Variants in FAT2 observed in about 807,000 individuals in gnomAD.
FAT2 encodes protocadherin Fat 2.
In FAT2, 150 loss-of-function variants were observed where a neutral mutation model predicts 295.3. That is an observed-to-expected ratio of 0.51 (90% confidence interval 0.44 to 0.58). The LOEUF (loss-of-function observed/expected upper bound fraction) is 0.58. FAT2 is among the 20% of genes least tolerant of loss of function. The probability of loss-of-function intolerance (pLI) is 0.00; values close to 1 mark genes in which losing one functional copy is unlikely to be tolerated. For synonymous variants in FAT2, 2,026 were observed against 2,150.3 expected (o/e 0.94, Z 1.60); for missense variants, 4,868 against 5,442.7 (o/e 0.89, Z 3.32).
intron 10 of FAT2, 106 bp downstream of exon 10, chr5:151,542,179 C>A: frequency 9.0e-7 from 1 of 1,105,936 alleles, no homozygotes; most frequent in South Asian, 1.5e-5. Flanking sequence ...CAAGGTCACA[C>A]TGCTAATAAG....
intron 18 of FAT2, 105 bp from the exon 19 acceptor site, chr5:151,522,191 C>A: frequency 2.3e-6 from 2 of 868,296 alleles, no homozygotes; most frequent in South Asian, 2.0e-5. Flanking sequence ...GCCCCACGCC[C>A]AACTTGAGGG....
chr5:151,578,748 A>C (rs979411765), intron 1 of FAT2, among the ~76,000 whole-genome samples: 1 of 152,258 alleles, frequency 6.6e-6, no homozygotes, highest in Non-Finnish European at 1.5e-5. Context: ...GAATAAAGAA[A>C]ATATGGCCTA....
Position 151,529,178 on chromosome 5 carries a change from C to T in FAT2, c.10026G>A (p.Thr3342=), listed in dbSNP as rs2127588568. 4 of 1,613,800 alleles carry T rather than the reference C, an allele frequency of 2.5e-6. No homozygotes were observed. Among genetic ancestry groups the T allele is most frequent in the Non-Finnish European group, 3.4e-6 (4 of 1,179,806 alleles). ...ENALVGDVIL[T]VSATDEDGPL... The stretch of plus-strand genomic sequence containing the variant: ...AAAGAGCAAGGTGGCAGATCCTTAC[C>T]GTGAGGATGACGTCACCCACAAGGG... Residue 3342 remains threonine, a splice_region_variant and synonymous_variant, in exon 15 of 24, where the codon ACG becomes ACA. Transcript: ENST00000261800.
At chr5:151,564,859 G>A (rs1758176783) in intron 2 of FAT2, among the ~76,000 whole-genome samples, 1 of 152,138 alleles carries the variant, frequency 6.6e-6, no homozygotes, top group African/African-American at 2.4e-5. Context: ...GATCACCTGA[G>A]GTCAGGAGGT....
At chr5:151,587,161 CA>C (rs1011901016) in intron 1 of FAT2, among the ~76,000 whole-genome samples, 2 of 138,000 alleles carry the variant, frequency 1.4e-5, no homozygotes, top group Non-Finnish European at 3.1e-5. Context: ...AAAAACAAAA[CA>C]AAACAAAAAA....
chr5:151,591,798 TCC>T (rs1254573625), upstream of FAT2, among the ~76,000 whole-genome samples: 2 of 152,316 alleles, frequency 1.3e-5, no homozygotes, highest in African/African-American at 4.8e-5. Flanking sequence ...AGCCTCAGTT[TCC>T]TTTTTTGAAA....
At position 151,566,874 on chromosome 5, in the gene FAT2, A is replaced by G. The variant is rs201635483; in HGVS notation, c.2058T>C (p.Phe686=). 111 of 1,614,216 alleles carry G rather than the reference A, an allele frequency of 6.9e-5. 1 individual carries two copies. In the East Asian group the frequency reaches 2.5e-3, roughly 36 times the overall value. ...LTQFTKTILH[F]IGLQNQESSD... ...TGGACTCCTGGTTCTGAAGCCCAAT[A>G]AAGTGGAGGATAGTCTTTGTGAATT... The change falls in exon 2 of 24, where the codon TTT becomes TTC. Residue 686 remains phenylalanine, a synonymous_variant. Coordinates refer to ENST00000261800, the MANE Select transcript of FAT2 (RefSeq NM_001447.3).
Position 151,527,972 on chromosome 5 carries a change from G to T in FAT2, c.10164+24C>A, listed in dbSNP as rs546349190. 5 of 1,612,534 alleles carry T rather than the reference G, an allele frequency of 3.1e-6. No individual in the cohort carries two copies. In the African/African-American group the frequency reaches 4.0e-5, roughly 13 times the overall value. On this transcript the variant is annotated intron_variant, in intron 16 of 23. Coordinates refer to ENST00000261800, the MANE Select transcript of FAT2 (RefSeq NM_001447.3). ...GTGTCTCTGCTCTAATGAGCTCAGG[G>T]TGCGCCCCTCCCACATGACTCACCT...
chr5:151,551,623 G>A lies in FAT2; in HGVS notation c.4157-17C>T. 1 of 1,613,768 alleles carries A rather than the reference G, an allele frequency of 6.2e-7. No homozygotes were observed. Among genetic ancestry groups the A allele is most frequent in the Non-Finnish European group, 8.5e-7 (1 of 1,179,940 alleles). On this transcript the variant is annotated splice_polypyrimidine_tract_variant and intron_variant, in intron 6 of 23. Coordinates refer to ENST00000261800, the MANE Select transcript of FAT2 (RefSeq NM_001447.3). ...TATCCCCACCTAGAGTGGGAGTGGG[G>A]AGAAAGCACACACAACCTCAGTGAT...
chr5:151,543,789 C>CAGG lies in FAT2; in HGVS notation c.7335_7337dup (p.Leu2446dup). The CAGG allele has an allele frequency of 1.2e-6, 2 of 1,614,172 alleles. No individual in the cohort carries two copies. The highest frequency in any genetic ancestry group is 1.7e-6 in the Non-Finnish European group (2 of 1,180,036). ...CTACCCTCAAATTGTAAGAAGAGTC[C>CAGG]AGGTGCTTTTTGCAAAGGTTGAACA... On this transcript the variant is annotated inframe_insertion, in exon 10 of 24. Coordinates refer to ENST00000261800, the MANE Select transcript of FAT2 (RefSeq NM_001447.3).
rs35504977 is a variant in FAT2, at chr5:151,565,531, C to G, written c.3259+142G>C. Reference sequence around the variant, plus strand: ...AAAAACAAATTAAAAATAAAATACACAGGAAAAAGAATCCCTATTTATTGC... The same window carrying G: ...AAAAACAAATTAAAAATAAAATACAGAGGAAAAAGAATCCCTATTTATTGC... On this transcript the variant is annotated intron_variant, in intron 2 of 23. Coordinates refer to ENST00000261800, the MANE Select transcript of FAT2 (RefSeq NM_001447.3). The G allele has an allele frequency of 0.34, 267,635 of 778,038 alleles. 47,770 individuals carry two copies. The highest frequency in any genetic ancestry group is 0.5 in the South Asian group (22,925 of 45,748). The allele number at this position is 778,038 out of a possible 1,614,324, so 48.2% of individuals were successfully genotyped here. A position where few individuals can be genotyped will look rare whatever the true frequency, so the allele number is the denominator to read the frequency against.
rs748359914 is a variant in FAT2 at position 151,505,532 on chromosome 5, G to T, written c.*33C>A. ...AGAAATAAGCCAAGTCCAGTCCTTG[G>T]CCTCCCGCCTGCCTTGCTCTGGGAA... On this transcript the variant is annotated 3_prime_UTR_variant, in exon 24 of 24. Transcript: ENST00000261800. 1 of 1,612,782 alleles carries T rather than the reference G, an allele frequency of 6.2e-7. No homozygotes were observed. Among genetic ancestry groups the T allele is most frequent in the Non-Finnish European group, 8.5e-7 (1 of 1,179,578 alleles).
intron 6 of FAT2, 133 bp from the exon 7 acceptor site, chr5:151,551,739 T>C (rs1757230786): frequency 1.2e-6 from 1 of 806,666 alleles, no homozygotes; most frequent in Admixed American, 2.8e-5. Flanking sequence ...TGACAGGTTG[T>C]AGTTTATTCT....
Position 151,510,003 on chromosome 5 carries a change from G to A in FAT2, c.12059+18C>T, listed in dbSNP as rs2127567766. On this transcript the variant is annotated intron_variant, in intron 22 of 23. Coordinates refer to ENST00000261800, the MANE Select transcript of FAT2 (RefSeq NM_001447.3). ...CCCTAACAAGGAGCCCATGGCAGGT[G>A]GCCTCTCCTGGGATTACCTGTCTCC... 6 of 1,611,674 alleles carry A rather than the reference G, an allele frequency of 3.7e-6. No individual in the cohort carries two copies. The highest frequency in any genetic ancestry group is 4.2e-6 in the Non-Finnish European group (5 of 1,179,548).
Position 151,568,807 on chromosome 5 carries a change from A to T in FAT2, c.125T>A (p.Ile42Asn). Reference sequence around the variant, plus strand: ...GGTCTTGGGAGAAGAATTTTCATAGATGGTGGCATTGTAATGGGAGTGTGT... The same window carrying T: ...GGTCTTGGGAGAAGAATTTTCATAGTTGGTGGCATTGTAATGGGAGTGTGT... ...HFTHSHYNAT[I>N]YENSSPKTYV... is the part of the protein sequence containing the mutation. Residue 42 changes from isoleucine to asparagine, a missense_variant, in exon 2 of 24, where the codon ATC (isoleucine) becomes AAC (asparagine). This residue lies in a region of FAT2 where 3,297 missense variants were observed against 3,669.4 expected (regional missense o/e 0.90). Coordinates refer to ENST00000261800, the MANE Select transcript of FAT2 (RefSeq NM_001447.3). The T allele has an allele frequency of 6.2e-7, 1 of 1,614,028 alleles. No homozygotes were observed. Among genetic ancestry groups the T allele is most frequent in the Non-Finnish European group, 8.5e-7 (1 of 1,180,010 alleles).
intron 13 of FAT2, among the ~76,000 whole-genome samples, chr5:151,533,643 A>T (rs919070941): frequency 1.3e-5 from 2 of 152,076 alleles, no homozygotes. Context: ...TGACCTGGCT[A>T]TTCTGATGCT....
Position 151,510,392 on chromosome 5 carries a change from C to G in FAT2, c.11906-218G>C, listed in dbSNP as rs570707401. On this transcript the variant is annotated intron_variant, in intron 21 of 23. Coordinates refer to ENST00000261800, the MANE Select transcript of FAT2 (RefSeq NM_001447.3). ...ACAGCTTACAGCCCACCAGAGACAA[C>G]AGTCACCTAAAGAACAGTAATAAAC... 2.2e-4 allele frequency: 115 copies of G among 525,662 alleles called. No homozygotes were observed. The Middle Eastern group carries it at 3.6e-3, about 16-fold the overall frequency. The allele number at this position is 525,662 out of a possible 1,614,324, so 32.6% of individuals were successfully genotyped here. A position where few individuals can be genotyped will look rare whatever the true frequency, so the allele number is the denominator to read the frequency against.
intron 3 of FAT2, among the ~76,000 whole-genome samples, chr5:151,561,281 A>T (rs2127639753): frequency 6.6e-6 from 1 of 152,338 alleles, no homozygotes; most frequent in South Asian, 2.1e-4. Context: ...AGGCCATGTG[A>T]CTGGAACATG....
intron 1 of FAT2, among the ~76,000 whole-genome samples, chr5:151,580,885 C>T (rs1758928180): frequency 6.6e-6 from 1 of 152,192 alleles, no homozygotes; most frequent in Admixed American, 6.5e-5. Context: ...CTGTCTCTAT[C>T]CAAGACACAA....
Sources: allele counts gnomAD v4.1 joint callset (sites outside exome capture counted in the v4.1 genomes callset), GRCh38; gene constraint gnomAD v4.1.1; regional missense constraint gnomAD v4.1.1; transcripts MANE v1.5; gene names NCBI Gene and HGNC (gene_info 2026-07-23, HGNC 2026-07-21).